Variants in GPN2 observed in about 807,000 individuals in gnomAD.
GPN2 encodes ATP-binding domain 1 family member B.
GPN2 carries 27 observed loss-of-function variants against 30.1 expected under a neutral mutation model. The observed-to-expected ratio is 0.90, with a 90% CI of 0.66 to 1.24. The LOEUF is 1.24. Ranked by LOEUF, GPN2 falls within the 50% of genes most tolerant of loss-of-function variation. GPN2 has a pLI of 0.00. For synonymous variants in GPN2, 212 were observed against 174.4 expected (o/e 1.22, Z -1.70); for missense variants, 406 against 405.4 (o/e 1.00, Z -0.01).
At chr1:26,885,578 C>CCTT (rs1337946566) in intron 3 of GPN2, among the ~76,000 whole-genome samples, 4 of 131,888 alleles carry the variant, frequency 3.0e-5, no homozygotes, top group African/African-American at 1.2e-4. Flanking sequence ...AAAGACCACT[C>CCTT]TTTTTTTTTT....
rs1268929429 is a variant in GPN2, at chr1:26,878,464, TAG to T, written c.*1211_*1212del. 6.6e-6 allele frequency: 1 copy of T among 151,890 alleles called. No individual in the cohort carries two copies. The highest frequency in any genetic ancestry group is 1.5e-5 in the Non-Finnish European group (1 of 67,982). 9.4% of individuals were successfully genotyped at this position (151,890 alleles called of 1,614,324 possible). A position where few individuals can be genotyped will look rare whatever the true frequency, so the allele number is the denominator to read the frequency against. ...GCCCAGCTAATTTTTATGTTTTTAG[TAG>T]AGAGGGGTTTCACCATGTTGGCCAG... On this transcript the variant is annotated 3_prime_UTR_variant, in exon 5 of 5. Transcript: ENST00000374135.
In GPN2 at chr1:26,877,906, G is replaced by C. The variant is rs762603393; in HGVS notation, c.*1771C>G. The C allele has an allele frequency of 6.6e-6, 1 of 152,244 alleles. No individual in the cohort carries two copies. The highest frequency in any genetic ancestry group is 1.9e-4 in the East Asian group (1 of 5,168). 9.4% of individuals were successfully genotyped at this position (152,244 alleles called of 1,614,324 possible). ...AAAATTAGCCGGGCATGTGGTAGGCGCCTGTAATCCCAGCTACTCGGGAGG... is the reference window on the plus strand; with the variant it reads ...AAAATTAGCCGGGCATGTGGTAGGCCCCTGTAATCCCAGCTACTCGGGAGG... On this transcript the variant is annotated 3_prime_UTR_variant, in exon 5 of 5. Transcript: ENST00000374135.
In GPN2 at chr1:26,889,128, G is replaced by A. The variant is rs1436585548; in HGVS notation, c.412-3C>T. ...TCCACGAGGTGGACGGCAGTCAGCT[G>A]GGAGGGAATAGACAGGGTGAGAGTG... On this transcript the variant is annotated splice_polypyrimidine_tract_variant and splice_region_variant and intron_variant, in intron 1 of 4. Coordinates refer to ENST00000374135, the MANE Select transcript of GPN2 (RefSeq NM_018066.4). The A allele has an allele frequency of 1.2e-6, 2 of 1,612,732 alleles. No individual in the cohort carries two copies. Among genetic ancestry groups the A allele is most frequent in the East Asian group, 2.2e-5 (1 of 44,874 alleles).
chr1:26,886,391 T>A (rs564999087), intron 2 of GPN2: 7 of 534,054 alleles, frequency 1.3e-5, no homozygotes, highest in Non-Finnish European at 2.5e-5. Flanking sequence ...TACAGAGAAG[T>A]GCTTGATCAA....
In GPN2 at chr1:26,886,002, G is replaced by T; in HGVS notation, c.700C>A (p.Leu234Ile). 6.2e-7 allele frequency: 1 copy of T among 1,613,440 alleles called. No individual in the cohort carries two copies. The highest frequency in any genetic ancestry group is 8.5e-7 in the Non-Finnish European group (1 of 1,179,458). The change falls in exon 3 of 5, where the codon CTT becomes ATT. Residue 234 changes from leucine to isoleucine, a missense_variant. Coordinates refer to ENST00000374135, the MANE Select transcript of GPN2 (RefSeq NM_018066.4). ...ATGTTGAGAGGGATAAAGGAGACAA[G>T]GCTATAGTCTTCGATGAGCTGCACT... ...KLVQLIEDYS[L>I]VSFIPLNIQD...
intron 4 of GPN2, 22 bp downstream of exon 4, chr1:26,884,138 G>T (rs1488539409): frequency 3.7e-6 from 6 of 1,606,340 alleles, no homozygotes; most frequent in Non-Finnish European, 4.3e-6. Flanking sequence ...CTCTGCTATG[G>T]CCAGGAAGCT....
intron 4 of GPN2, among the ~76,000 whole-genome samples, chr1:26,883,839 G>A (rs2081876497): frequency 1.3e-5 from 2 of 151,120 alleles, no homozygotes; most frequent in Admixed American, 1.3e-4. Flanking sequence ...AGGAGATCAA[G>A]ACCATCCTGG....
At chr1:26,886,924 C>T (rs1037032221) in intron 2 of GPN2, among the ~76,000 whole-genome samples, 10 of 141,234 alleles carry the variant, frequency 7.1e-5, no homozygotes, top group Non-Finnish European at 1.2e-4. Context: ...ATCCAGGAGG[C>T]GGAGGATGCA....
At chr1:26,879,892 G>A (rs2081856132) in intron 4 of GPN2, 143 bp from the exon 5 acceptor site, 2 of 657,876 alleles carry the variant, frequency 3.0e-6, no homozygotes, top group South Asian at 1.7e-5. Context: ...TCAGGTATGA[G>A]AAGCCTCCAA....
chr1:26,886,600 C>T, intron 2 of GPN2: 1 of 382,794 alleles, frequency 2.6e-6, no homozygotes, highest in Non-Finnish European at 5.3e-6. Flanking sequence ...GGACGGATCA[C>T]AAGGTCAGGA....
chr1:26,883,420 C>A (rs1380365982), intron 4 of GPN2, among the ~76,000 whole-genome samples: 1 of 152,172 alleles, frequency 6.6e-6, no homozygotes, highest in Admixed American at 6.6e-5. Context: ...TCAGTACAAC[C>A]AACTCTGAAG....
chr1:26,879,766 C>A lies in GPN2; in HGVS notation c.861-17G>T. On this transcript the variant is annotated splice_polypyrimidine_tract_variant and intron_variant, in intron 4 of 4. Transcript: ENST00000374135. ...CCCAGTGTGCTGAGGAAGGGTGCGT[C>A]AAGGCTGATAGCATAGGCAGAGGAT... The A allele has an allele frequency of 6.2e-7, 1 of 1,600,560 alleles. No homozygotes were observed. The highest frequency in any genetic ancestry group is 8.6e-7 in the Non-Finnish European group (1 of 1,168,312).
Position 26,889,898 on chromosome 1 carries a change from C to T in GPN2, c.199G>A (p.Gly67Ser). Residue 67 changes from glycine to serine, a missense_variant, in exon 1 of 5, where the codon GGC becomes AGC. By Grantham distance (56) the Gly-to-Ser change is moderately conservative. Coordinates refer to ENST00000374135, the MANE Select transcript of GPN2 (RefSeq NM_018066.4). ...AVDVGELVGL[G>S]DVMDALRLGP... ...AGGCGCAGCGCGTCCATCACGTCGC[C>T]CAGCCCCACCAGCTCGCCCACGTCC... 2 of 1,610,778 alleles carry T rather than the reference C, an allele frequency of 1.2e-6. No homozygotes were observed. The highest frequency in any genetic ancestry group is 1.7e-6 in the Non-Finnish European group (2 of 1,178,516).
At position 26,889,834 on chromosome 1, in the gene GPN2, A is replaced by C; in HGVS notation, c.263T>G (p.Leu88Arg). Residue 88 changes from leucine to arginine, a missense_variant, in exon 1 of 5, where the codon CTG becomes CGG. By Grantham distance (102) the Leu-to-Arg change is moderately radical. Coordinates refer to ENST00000374135, the MANE Select transcript of GPN2 (RefSeq NM_018066.4). ...NGGLLYCMEY[L>R]EANLDWLRAK... ...ACGCAGCCAGTCCAGGTTGGCTTCC[A>C]GGTACTCCATGCAGTAGAGCAGGCC... 6.2e-7 allele frequency: 1 copy of C among 1,613,722 alleles called. No homozygotes were observed. The highest frequency in any genetic ancestry group is 8.5e-7 in the Non-Finnish European group (1 of 1,179,984).
chr1:26,881,975 G>A (rs1412189449), intron 4 of GPN2, among the ~76,000 whole-genome samples: 1 of 152,192 alleles, frequency 6.6e-6, no homozygotes, highest in Non-Finnish European at 1.5e-5. Context: ...CAGCACTTTG[G>A]GAGGCCAAGG....
chr1:26,884,419 C>A (rs2081880789), intron 3 of GPN2, 129 bp from the exon 4 acceptor site: 1 of 839,074 alleles, frequency 1.2e-6, no homozygotes, highest in Non-Finnish European at 1.8e-6. Flanking sequence ...AGTAGTTCTA[C>A]ATGTCCCCAA....
chr1:26,889,381 A>C (rs1367305039), intron 1 of GPN2, among the ~76,000 whole-genome samples: 1 of 151,982 alleles, frequency 6.6e-6, no homozygotes, highest in Non-Finnish European at 1.5e-5. Flanking sequence ...TCTTTCATTT[A>C]CTTTTGCCCA....
chr1:26,887,125 G>T (rs761201213), intron 2 of GPN2, among the ~76,000 whole-genome samples: 13 of 152,020 alleles, frequency 8.6e-5, no homozygotes, highest in Admixed American at 4.6e-4. Flanking sequence ...ACACTGCAAA[G>T]ACTCTGTAAA....
intron 4 of GPN2, among the ~76,000 whole-genome samples, chr1:26,883,773 C>T (rs1268514152): frequency 2.0e-5 from 3 of 147,830 alleles, no homozygotes; most frequent in East Asian, 3.9e-4. Context: ...GCAACAAGAG[C>T]GAAACTCCCT....
Sources: gnomAD v4.1 joint callset for allele counts (sites outside exome capture counted in the v4.1 genomes callset) on GRCh38, gnomAD v4.1.1 for gene constraint, MANE v1.5 for transcripts, NCBI Gene and HGNC (gene_info 2026-07-23, HGNC 2026-07-21) for gene names.